The following UPP2 variants were observed in gnomAD, a reference collection of about 807,000 sequenced individuals.
UPP2 encodes uridine phosphorylase 2, also known as UPase 2.
UPP2 carries 23 observed loss-of-function variants against 26.7 expected under a neutral mutation model. The observed-to-expected ratio is 0.86, with a 90% CI of 0.62 to 1.22. The LOEUF (loss-of-function observed/expected upper bound fraction) is 1.22, where lower values mean the gene tolerates loss of function less well. Ranked by LOEUF, UPP2 falls within the 50% of genes most tolerant of loss-of-function variation. The pLI, the probability that UPP2 is intolerant of heterozygous loss-of-function variation, is 0.00. For synonymous variants in UPP2, 127 were observed against 141.3 expected (o/e 0.90, Z 0.72); for missense variants, 387 against 396.7 (o/e 0.98, Z 0.21).
At chr2:158,063,603 T>C (rs893385376) in intron 3 of UPP2, among the ~76,000 whole-genome samples, 1 of 9,864 alleles carries the variant, frequency 1.0e-4, no homozygotes, top group African/African-American at 4.8e-3. Context: ...TTTCTTTTCT[T>C]TTTTTTTTTT....
At chr2:158,115,503 C>T (rs1683410668) in intron 3 of UPP2, among the ~76,000 whole-genome samples, 1 of 152,160 alleles carries the variant, frequency 6.6e-6, no homozygotes. Flanking sequence ...AGCACCCCTC[C>T]TTTCTCTTTA....
chr2:158,028,925 C>T (rs1458436167), intron 3 of UPP2, among the ~76,000 whole-genome samples: 1 of 152,166 alleles, frequency 6.6e-6, no homozygotes, highest in Non-Finnish European at 1.5e-5. Context: ...AATTATCTCC[C>T]ACCAGGCCCC....
At chr2:158,053,420 T>C (rs1682190629) in intron 3 of UPP2, among the ~76,000 whole-genome samples, 1 of 152,150 alleles carries the variant, frequency 6.6e-6, no homozygotes, top group Non-Finnish European at 1.5e-5. Context: ...TTGGAAAGAC[T>C]CGTGATCATG....
intron 3 of UPP2, among the ~76,000 whole-genome samples, chr2:158,032,856 C>T (rs1683944000): frequency 6.6e-6 from 1 of 152,136 alleles, no homozygotes; most frequent in Non-Finnish European, 1.5e-5. Context: ...GCACAGGTTT[C>T]TTTGTGCAGG....
chr2:158,065,937 T>C, intron 3 of UPP2: 1 of 516,510 alleles, frequency 1.9e-6, no homozygotes. Flanking sequence ...TGCAGTACAA[T>C]TCGCAAGAAA....
At chr2:158,100,396 A>G (rs531931455), upstream of UPP2, among the ~76,000 whole-genome samples, 17 of 152,324 alleles carry the variant, frequency 1.1e-4, no homozygotes, top group Admixed American at 2.6e-4. Context: ...CTGAACACTT[A>G]TCTAATTAGC....
chr2:158,068,091 G>A (rs1682466807), intron 3 of UPP2, among the ~76,000 whole-genome samples: 1 of 152,018 alleles, frequency 6.6e-6, no homozygotes, highest in African/African-American at 2.4e-5. Context: ...TTAAGAATTG[G>A]ACATGGCCTA....
chr2:158,097,516 T>C (rs1683007211), upstream of UPP2, among the ~76,000 whole-genome samples: 1 of 152,184 alleles, frequency 6.6e-6, no homozygotes. Context: ...CTGGAAAATA[T>C]GTCATTGTTT....
At chr2:158,124,625 G>A (rs142245034) in intron 6 of UPP2, among the ~76,000 whole-genome samples, 43 of 152,320 alleles carry the variant, frequency 2.8e-4, no homozygotes, top group Middle Eastern at 3.4e-3. Flanking sequence ...GAAGGCGAAC[G>A]CAGTAGTCTA....
intron 3 of UPP2, among the ~76,000 whole-genome samples, chr2:158,026,984 A>G (rs1312947948): frequency 2.6e-5 from 4 of 152,172 alleles, no homozygotes; most frequent in African/African-American, 9.7e-5. Context: ...AACTGCCCCC[A>G]TGATTCAAAT....
Position 158,089,128 on chromosome 2 carries a change from G to A in UPP2, c.148-12912G>A, listed in dbSNP as rs1484152255. Among the ~76,000 whole-genome samples, 5 of 152,230 alleles carry A rather than the reference G, an allele frequency of 3.3e-5. 1 individual carries two copies. In the East Asian group the frequency reaches 9.7e-4, roughly 29 times the overall value. On this transcript the variant is annotated intron_variant, in intron 3 of 9. Coordinates refer to the UPP2 transcript ENST00000605860. ...TGGGGGCAGGGTTAGGTGTGTCTGAGCTCTGAGTCTCCTTGTGGGGTCTTG... is the reference window on the plus strand; with the variant it reads ...TGGGGGCAGGGTTAGGTGTGTCTGAACTCTGAGTCTCCTTGTGGGGTCTTG...
At chr2:157,999,755 CA>C (rs1558899350) in intron 2 of UPP2, among the ~76,000 whole-genome samples, 1 of 151,888 alleles carries the variant, frequency 6.6e-6, no homozygotes, top group Non-Finnish European at 1.5e-5. Context: ...TAGTTTTTAA[CA>C]AAAAAGTCTA....
chr2:158,025,031 G>A (rs572671834), intron 3 of UPP2, among the ~76,000 whole-genome samples: 19 of 151,908 alleles, frequency 1.3e-4, no homozygotes, highest in Non-Finnish European at 2.4e-4. Context: ...GTGAAACCCC[G>A]TCTCTACAAA....
At chr2:158,082,200 T>C (rs930142845) in intron 3 of UPP2, among the ~76,000 whole-genome samples, 1 of 152,176 alleles carries the variant, frequency 6.6e-6, no homozygotes, top group Admixed American at 6.5e-5. Context: ...TCTGCCTGCC[T>C]TGGCCTCCCA....
intron 2 of UPP2, among the ~76,000 whole-genome samples, chr2:158,015,641 G>A (rs1341397014): frequency 2.6e-5 from 4 of 152,128 alleles, no homozygotes; most frequent in South Asian, 4.1e-4. Flanking sequence ...TAATCTCCAC[G>A]TGTCAGGGGA....
chr2:158,010,793 TCTCG>T (rs1238419733), intron 2 of UPP2, among the ~76,000 whole-genome samples: 7 of 144,690 alleles, frequency 4.8e-5, no homozygotes, highest in African/African-American at 1.9e-4. Flanking sequence ...TGAGACAGAG[TCTCG>T]CTCTGTCACC....
chr2:158,063,740 C>T (rs1435391054), intron 3 of UPP2, among the ~76,000 whole-genome samples: 1 of 152,112 alleles, frequency 6.6e-6, no homozygotes, highest in African/African-American at 2.4e-5. Flanking sequence ...AATGTTATCC[C>T]TCCCTTAGCC....
chr2:158,035,157 TC>T (rs1438850582), intron 3 of UPP2, among the ~76,000 whole-genome samples: 2 of 148,660 alleles, frequency 1.3e-5, no homozygotes, highest in African/African-American at 5.1e-5. Flanking sequence ...AGGATCAGAA[TC>T]TTTTTTTTTT....
intron 3 of UPP2, among the ~76,000 whole-genome samples, chr2:158,058,409 T>TCC (rs796357907): frequency 9.1e-5 from 1 of 10,938 alleles, no homozygotes; most frequent in South Asian, 1.7e-3. Flanking sequence ...TCTCTCTCTC[T>TCC]CCCCCCAACC....
Sources: allele counts gnomAD v4.1 joint callset (sites outside exome capture counted in the v4.1 genomes callset), GRCh38; gene constraint gnomAD v4.1.1; transcripts MANE v1.5; gene names NCBI Gene and HGNC (gene_info 2026-07-23, HGNC 2026-07-21).